Variants in SPATA13 observed in about 807,000 individuals in gnomAD.
The protein encoded by SPATA13 is spermatogenesis-associated protein 13.
SPATA13 carries 50 observed loss-of-function variants against 104.0 expected under a neutral mutation model. The ratio of observed to expected loss-of-function variants is 0.48; its 90% CI spans 0.38 to 0.61. The LOEUF (loss-of-function observed/expected upper bound fraction) is 0.61. Among genes scored for constraint, SPATA13 ranks in the 20% least tolerant of loss-of-function variants. The pLI is 0.00. For missense variants in SPATA13, 1,524 were observed against 1,690.6 expected, an observed-to-expected ratio of 0.90 and a Z score of 1.73; for synonymous variants, 606 against 667.5, an observed-to-expected ratio of 0.91 and a Z score of 1.42.
At chr13:24,108,817 A>C (rs925048618) in intron 3 of SPATA13, among the ~76,000 whole-genome samples, 1 of 151,504 alleles carries the variant, frequency 6.6e-6, no homozygotes, top group Non-Finnish European at 1.5e-5. Context: ...CCCGCCCCCA[A>C]CCTCTTCTGT....
At chr13:24,299,664 C>A (rs2138774365) in intron 11 of SPATA13, among the ~76,000 whole-genome samples, 1 of 152,338 alleles carries the variant, frequency 6.6e-6, no homozygotes, top group Admixed American at 6.5e-5. Flanking sequence ...CTAGCAGACA[C>A]AGGGCCTGGG....
chr13:24,165,838 A>G lies in SPATA13; in HGVS notation c.-112+4906A>G, dbSNP rs139649249. ...TTCAGTCTCATTACACAGGATTCTTAGGTCAGGCCCTAGCTCTTAGTCACC... is the reference window on the plus strand; with the variant it reads ...TTCAGTCTCATTACACAGGATTCTTGGGTCAGGCCCTAGCTCTTAGTCACC... On this transcript the variant is annotated intron_variant, in intron 1 of 12. Coordinates refer to ENST00000382108, the MANE Select transcript of SPATA13 (RefSeq NM_001166271.3). Among the ~76,000 whole-genome samples, 938 of 152,332 alleles carry G rather than the reference A, an allele frequency of 6.2e-3. 11 individuals carry two copies. The highest frequency in any genetic ancestry group is 0.021 in the African/African-American group (858 of 41,578).
intron 1 of SPATA13, among the ~76,000 whole-genome samples, chr13:24,187,704 GA>G (rs1869238504): frequency 6.6e-6 from 1 of 152,242 alleles, no homozygotes; most frequent in East Asian, 1.9e-4. Context: ...TGGGCTTCAT[GA>G]ACTACACCTA....
intron 2 of SPATA13, among the ~76,000 whole-genome samples, chr13:24,234,771 C>T (rs145645775): frequency 6.6e-6 from 1 of 152,284 alleles, no homozygotes; most frequent in African/African-American, 2.4e-5. Context: ...GCTTGCTGCC[C>T]TGCACTGATC....
chr13:24,137,627 C>T (rs549051711), intron 3 of SPATA13, among the ~76,000 whole-genome samples: 6 of 152,072 alleles, frequency 3.9e-5, no homozygotes, highest in Admixed American at 1.3e-4. Flanking sequence ...AAGCGTGGTA[C>T]GCATGCCTCT....
At chr13:24,110,292 G>C (rs1054729097) in intron 3 of SPATA13, among the ~76,000 whole-genome samples, 1 of 151,876 alleles carries the variant, frequency 6.6e-6, no homozygotes, top group Non-Finnish European at 1.5e-5. Context: ...GAGGAAGGGA[G>C]GGGAGGATGG....
intron 3 of SPATA13, chr13:24,122,456 C>G: frequency 6.2e-7 from 1 of 1,606,348 alleles, no homozygotes; most frequent in East Asian, 2.2e-5. Flanking sequence ...CCATCTTCAC[C>G]AGCCTGCTTA....
chr13:24,164,781 G>A (rs73166316), intron 1 of SPATA13, among the ~76,000 whole-genome samples: 6 of 151,874 alleles, frequency 4.0e-5, no homozygotes, highest in Non-Finnish European at 7.4e-5. Flanking sequence ...AGGCAGAAAC[G>A]GCACCACAGA....
chr13:24,227,430 C>G (rs941808785), intron 2 of SPATA13, among the ~76,000 whole-genome samples: 7 of 152,004 alleles, frequency 4.6e-5, no homozygotes, highest in African/African-American at 1.7e-4. Flanking sequence ...TTAATTTCTA[C>G]CCACAAAAGA....
intron 4 of SPATA13, among the ~76,000 whole-genome samples, chr13:24,258,697 A>G (rs553834439): frequency 2.0e-5 from 3 of 152,290 alleles, no homozygotes; most frequent in East Asian, 3.9e-4. Context: ...CTGAAAAGTT[A>G]GAGATATGAG....
At position 24,258,188 on chromosome 13, in the gene SPATA13, T is replaced by C. The variant is rs538104428; in HGVS notation, c.2164+6326T>C. On this transcript the variant is annotated intron_variant, in intron 4 of 12. Transcript: ENST00000382108. ...AGATAGAGGTTGCAGTGAGCCTACA[T>C]TGCGCCATGGCACTCCAGCCTGGGC... 1.7e-4 allele frequency among the ~76,000 whole-genome samples: 26 copies of C among 151,726 alleles called. No homozygotes were observed. The East Asian group carries it at 3.1e-3, about 18-fold the overall frequency.
chr13:24,277,767 C>G (rs1205489541), intron 4 of SPATA13, among the ~76,000 whole-genome samples: 5 of 152,162 alleles, frequency 3.3e-5, no homozygotes, highest in African/African-American at 1.2e-4. Context: ...AACGTCTGTC[C>G]TTTCCTTTAA....
chr13:24,148,435 TG>T (rs1882003030), intron 3 of SPATA13, among the ~76,000 whole-genome samples: 1 of 152,110 alleles, frequency 6.6e-6, no homozygotes, highest in African/African-American at 2.4e-5. Flanking sequence ...ATAAATAGGC[TG>T]GGGTATAACC....
At chr13:24,015,743 C>CAA (rs1876680091) in intron 2 of SPATA13, among the ~76,000 whole-genome samples, 2 of 13,480 alleles carry the variant, frequency 1.5e-4, no homozygotes, top group Admixed American at 1.2e-3. Flanking sequence ...TGGCAGGCCC[C>CAA]CCCCCAATTC....
At chr13:24,117,698 A>G (rs963396971) in intron 3 of SPATA13, among the ~76,000 whole-genome samples, 2 of 152,152 alleles carry the variant, frequency 1.3e-5, no homozygotes, top group African/African-American at 2.4e-5. Flanking sequence ...AAAAACCCCA[A>G]ACTCATTCCT....
intron 1 of SPATA13, among the ~76,000 whole-genome samples, chr13:24,178,869 A>G (rs1868609344): frequency 6.6e-6 from 1 of 152,184 alleles, no homozygotes; most frequent in African/African-American, 2.4e-5. Context: ...ATCAATTACC[A>G]TAGTCAATTT....
intron 4 of SPATA13, among the ~76,000 whole-genome samples, chr13:24,262,902 G>A (rs1874124782): frequency 6.6e-6 from 1 of 152,274 alleles, no homozygotes; most frequent in South Asian, 2.1e-4. Flanking sequence ...ATAATATACT[G>A]TTTATTATCC....
At chr13:24,142,672 T>TTCTTCC (rs542586258) in intron 3 of SPATA13, among the ~76,000 whole-genome samples, 54 of 152,264 alleles carry the variant, frequency 3.5e-4, no homozygotes, top group East Asian at 5.8e-4. Context: ...TTCCTCATCC[T>TTCTTCC]TCTTCCTCTT....
chr13:24,140,890 G>C (rs1881740462), intron 3 of SPATA13, among the ~76,000 whole-genome samples: 1 of 152,120 alleles, frequency 6.6e-6, no homozygotes, highest in African/African-American at 2.4e-5. Context: ...TAAAAATTAA[G>C]CCTGGCTGGC....
Sources: allele counts gnomAD v4.1 joint callset (sites outside exome capture counted in the v4.1 genomes callset), GRCh38; gene constraint gnomAD v4.1.1; transcripts MANE v1.5; gene names NCBI Gene and HGNC (gene_info 2026-07-23, HGNC 2026-07-21).